The following ZIC4 variants were observed in gnomAD, a reference collection of about 807,000 sequenced individuals.
ZIC4 encodes zinc finger protein ZIC 4.
In ZIC4, 15 loss-of-function variants were observed where a neutral mutation model predicts 28.8. The ratio of observed to expected loss-of-function variants is 0.52; its 90% CI spans 0.35 to 0.80. The LOEUF (loss-of-function observed/expected upper bound fraction) is 0.80. Among genes scored for constraint, ZIC4 ranks in the 30% least tolerant of loss-of-function variants. The pLI is 0.01. For missense variants in ZIC4, 512 were observed against 467.1 expected, an observed-to-expected ratio of 1.10 and a Z score of -0.89; for synonymous variants, 220 against 198.1, an observed-to-expected ratio of 1.11 and a Z score of -0.93.
intron 3 of ZIC4, chr3:147,392,071 C>T: frequency 1.0e-6 from 1 of 985,576 alleles, no homozygotes. Context: ...AGCTGGCCCT[C>T]CCAGTCCGCA....
At chr3:147,390,836 A>T (rs967517128) in intron 4 of ZIC4, 95 bp downstream of exon 4, 2 of 1,421,744 alleles carry the variant, frequency 1.4e-6, no homozygotes, top group African/African-American at 2.9e-5. Context: ...CTAATACCGG[A>T]GGCGGCGGCG....
At chr3:147,402,483 G>A (rs185967670) in intron 2 of ZIC4, among the ~76,000 whole-genome samples, 7 of 152,156 alleles carry the variant, frequency 4.6e-5, no homozygotes, top group African/African-American at 7.2e-5. Context: ...ATTCTGGAAC[G>A]TCCAGATGAG....
intron 1 of ZIC4, chr3:147,405,905 T>A (rs1410351679): frequency 5.5e-6 from 1 of 182,942 alleles, no homozygotes; most frequent in African/African-American, 2.4e-5. Flanking sequence ...AGAGCAGAGA[T>A]ACCTCCTGTA....
Position 147,396,612 on chromosome 3 carries a change from G to C in ZIC4, c.71-143C>G. On this transcript the variant is annotated intron_variant, in intron 2 of 4. Coordinates refer to ENST00000383075, the MANE Select transcript of ZIC4 (RefSeq NM_032153.6). The surrounding 1 kb of genome is among the most constrained non-coding windows in gnomAD (Gnocchi z 4.2). ...AACTCAGAGCCAGACAGCGCCAGCA[G>C]TGAACCCGGTGGACAGAGCAAGGCC... The C allele has an allele frequency of 9.0e-7, 1 of 1,110,814 alleles. No individual in the cohort carries two copies. Among genetic ancestry groups the C allele is most frequent in the Non-Finnish European group, 1.2e-6 (1 of 825,102 alleles). The allele number at this position is 1,110,814 out of a possible 1,614,324, so 68.8% of individuals were successfully genotyped here.
rs1264456535 is a variant in ZIC4, at chr3:147,405,396, T to C, written c.-16+967A>G. On this transcript the variant is annotated intron_variant, in intron 1 of 4. Transcript: ENST00000383075. ...ACCTTGGAATCCAAAGGGAGTTTCC[T>C]GAAGACGGTGACGGCCGAAGTGCAA... 4 of 1,537,094 alleles carry C rather than the reference T, an allele frequency of 2.6e-6. No individual in the cohort carries two copies. The East Asian group carries it at 7.3e-5, about 28-fold the overall frequency.
At chr3:147,405,064 G>A (rs887329770) in intron 1 of ZIC4, among the ~76,000 whole-genome samples, 2 of 152,202 alleles carry the variant, frequency 1.3e-5, no homozygotes, top group African/African-American at 4.8e-5. Flanking sequence ...CACCTTTCTG[G>A]CTCCCCTCCA....
In ZIC4 at chr3:147,388,467, C is replaced by T; in HGVS notation, c.*392G>A. Reference sequence around the variant, plus strand: ...AGCAGAAACAAAGGGGGCTGAGCGGCGATTCAAGCGGCTCTTTTCTTCCTT... The same window carrying T: ...AGCAGAAACAAAGGGGGCTGAGCGGTGATTCAAGCGGCTCTTTTCTTCCTT... On this transcript the variant is annotated 3_prime_UTR_variant, in exon 5 of 5. Coordinates refer to ENST00000383075, the MANE Select transcript of ZIC4 (RefSeq NM_032153.6). 1 of 234,972 alleles carries T rather than the reference C, an allele frequency of 4.3e-6. No individual in the cohort carries two copies. Among genetic ancestry groups the T allele is most frequent in the Middle Eastern group, 1.3e-3 (1 of 754 alleles). The allele number at this position is 234,972 out of a possible 1,614,324, so 14.6% of individuals were successfully genotyped here.
rs2087031732 is a variant in ZIC4 at position 147,395,956 on chromosome 3, A to G, written c.584T>C (p.Ile195Thr). The change falls in exon 3 of 5, where the codon ATC (isoleucine) becomes ACC (threonine). Residue 195 changes from isoleucine to threonine, a missense_variant. By Grantham distance (89) the Ile-to-Thr change is moderately conservative (BLOSUM62 -1). This residue lies in a region of ZIC4 where 58 missense variants were observed against 93.8 expected (regional missense o/e 0.62). Transcript: ENST00000383075. The part of the protein sequence containing the change: ...FKAKYKLVNH[I>T]RVHTGEKPFP... ...GGGCTTCTCGCCCGTGTGCACGCGGATGTGATTTACAAGTTTGTATTTGGC... is the reference window on the plus strand; with the variant it reads ...GGGCTTCTCGCCCGTGTGCACGCGGGTGTGATTTACAAGTTTGTATTTGGC... The G allele has an allele frequency of 2.5e-6, 4 of 1,614,170 alleles. No homozygotes were observed. The East Asian group carries it at 8.9e-5, about 36-fold the overall frequency.
intron 2 of ZIC4, among the ~76,000 whole-genome samples, chr3:147,399,518 C>T (rs997799042): frequency 6.6e-6 from 1 of 152,280 alleles, no homozygotes; most frequent in Non-Finnish European, 1.5e-5. Flanking sequence ...ATGTGGTATT[C>T]AGGTTTAAGT....
At position 147,396,569 on chromosome 3, in the gene ZIC4, C is replaced by T. The variant is rs991723643; in HGVS notation, c.71-100G>A. The stretch of plus-strand genomic sequence containing the variant: ...AGGCCCAGCCCTGCCGCACTACGGC[C>T]TCTGCAGTCAGCCGTGGAACTCAGA... On this transcript the variant is annotated intron_variant, in intron 2 of 4. Transcript: ENST00000383075. This position sits in a 1 kb window ranked among gnomAD's most constrained non-coding sequence, Gnocchi z 4.2. The T allele has an allele frequency of 1.1e-5, 15 of 1,399,698 alleles. No individual in the cohort carries two copies. Among genetic ancestry groups the T allele is most frequent in the African/African-American group, 1.4e-5 (1 of 69,228 alleles). 86.7% of individuals were successfully genotyped at this position (1,399,698 alleles called of 1,614,324 possible).
At chr3:147,404,357 A>G in intron 1 of ZIC4, 9 of 1,195,378 alleles carry the variant, frequency 7.5e-6, no homozygotes, top group South Asian at 2.7e-5. Flanking sequence ...AGATTGGACT[A>G]GGGCAGGCAA....
At position 147,396,665 on chromosome 3, in the gene ZIC4, T is replaced by C; in HGVS notation, c.71-196A>G. 4.9e-6 allele frequency: 3 copies of C among 611,248 alleles called. No homozygotes were observed. The highest frequency in any genetic ancestry group is 3.1e-5 in the East Asian group (1 of 32,396). 37.9% of individuals were successfully genotyped at this position (611,248 alleles called of 1,614,324 possible). On this transcript the variant is annotated intron_variant, in intron 2 of 4. Coordinates refer to ENST00000383075, the MANE Select transcript of ZIC4 (RefSeq NM_032153.6). This position sits in a 1 kb window ranked among gnomAD's most constrained non-coding sequence, Gnocchi z 4.2. ...ACACCTCCGCCGCCATTGGGCCGAA[T>C]TGCTGTTGGGCCAAGTCCCCCGCCG...
In ZIC4 at chr3:147,388,386, C is replaced by G; in HGVS notation, c.*473G>C. On this transcript the variant is annotated 3_prime_UTR_variant, in exon 5 of 5. Transcript: ENST00000383075. ...TTCTTTCCCCTCTTACAAACCATTTCCTCGCCTTTAGAAACTCGCCATCAA... is the reference window on the plus strand; with the variant it reads ...TTCTTTCCCCTCTTACAAACCATTTGCTCGCCTTTAGAAACTCGCCATCAA... 1 of 164,548 alleles carries G rather than the reference C, an allele frequency of 6.1e-6. No individual in the cohort carries two copies. 10.2% of individuals were successfully genotyped at this position (164,548 alleles called of 1,614,324 possible). A position where few individuals can be genotyped will look rare whatever the true frequency, so the allele number is the denominator to read the frequency against.
At chr3:147,405,347 C>G in intron 1 of ZIC4, 2 of 1,525,926 alleles carry the variant, frequency 1.3e-6, no homozygotes, top group Non-Finnish European at 1.8e-6. Context: ...GAGGACAATA[C>G]TGTCGGAAAG....
At chr3:147,393,130 A>G (rs1469293589) in intron 3 of ZIC4, among the ~76,000 whole-genome samples, 2 of 151,884 alleles carry the variant, frequency 1.3e-5, no homozygotes, top group Non-Finnish European at 2.9e-5. Flanking sequence ...CCCCTCCCCA[A>G]CAACCCCCAC....
At position 147,405,409 on chromosome 3, in the gene ZIC4, G is replaced by A. The variant is rs1387550624; in HGVS notation, c.-16+954C>T. The A allele has an allele frequency of 5.2e-6, 8 of 1,537,012 alleles. No homozygotes were observed. In the Admixed American group the frequency reaches 1.4e-4, roughly 26 times the overall value. ...AAGGGAGTTTCCTGAAGACGGTGAC[G>A]GCCGAAGTGCAACCCTCCAAAAGCC... is the stretch of plus-strand genomic sequence containing the variant. On this transcript the variant is annotated intron_variant, in intron 1 of 4. Coordinates refer to ENST00000383075, the MANE Select transcript of ZIC4 (RefSeq NM_032153.6).
At chr3:147,402,091 G>A (rs954208051) in intron 2 of ZIC4, among the ~76,000 whole-genome samples, 7 of 152,178 alleles carry the variant, frequency 4.6e-5, no homozygotes, top group Non-Finnish European at 1.0e-4. Context: ...TTGAAATGAG[G>A]AAAACTAGAC....
At chr3:147,404,691 C>G (rs964904318) in intron 1 of ZIC4, among the ~76,000 whole-genome samples, 17 of 152,192 alleles carry the variant, frequency 1.1e-4, no homozygotes, top group South Asian at 4.1e-4. Context: ...AGAAGAGGAA[C>G]GGGTGCCAGG....
intron 2 of ZIC4, among the ~76,000 whole-genome samples, chr3:147,400,820 T>C (rs1365875675): frequency 1.3e-5 from 2 of 152,160 alleles, no homozygotes; most frequent in African/African-American, 2.4e-5. Context: ...AGATTATCAA[T>C]TGGGCTGGCT....
Sources: allele counts gnomAD v4.1 joint callset (sites outside exome capture counted in the v4.1 genomes callset), GRCh38; gene constraint gnomAD v4.1.1; regional missense constraint gnomAD v4.1.1; non-coding constraint Gnocchi (gnomAD v3.1); transcripts MANE v1.5; gene names NCBI Gene and HGNC (gene_info 2026-07-23, HGNC 2026-07-21).